The following HAP1 variants were observed in gnomAD, a reference collection of about 807,000 sequenced individuals.
HAP1 encodes huntingtin associated protein 1, also known as huntingtin-associated protein 1.
In HAP1, 59 loss-of-function variants were observed where a neutral mutation model predicts 60.3. The ratio of observed to expected loss-of-function variants is 0.98; its 90% confidence interval spans 0.79 to 1.22. The LOEUF (loss-of-function observed/expected upper bound fraction) is 1.22, where lower values mean the gene tolerates loss of function less well. HAP1 is among the 50% of genes most tolerant of loss of function. HAP1 has a pLI of 0.00. For synonymous variants in HAP1, 346 were observed against 330.6 expected, an observed-to-expected ratio of 1.05 and a Z score of -0.50; for missense variants, 825 against 785.3, an observed-to-expected ratio of 1.05 and a Z score of -0.60.
Position 41,722,939 on chromosome 17 carries a change from G to T in HAP1, c.*1762C>A, listed in dbSNP as rs1567777583. The T allele has an allele frequency of 6.6e-6, 1 of 152,498 alleles. No individual in the cohort carries two copies. The highest frequency in any genetic ancestry group is 1.5e-5 in the Non-Finnish European group (1 of 68,276). The allele number at this position is 152,498 out of a possible 1,614,324, so 9.4% of individuals were successfully genotyped here. On this transcript the variant is annotated 3_prime_UTR_variant, in exon 11 of 11. Coordinates refer to ENST00000347901, the MANE Select transcript of HAP1 (RefSeq NM_177977.3). ...GAGGAGACACACCACTGGGCAGAGG[G>T]GCCCTCACCCACCCACACACAGAGA...
downstream of HAP1, chr17:41,718,211 A>G: frequency 3.6e-6 from 1 of 277,672 alleles, no homozygotes; most frequent in South Asian, 3.2e-5. Flanking sequence ...GAAACTAAGC[A>G]CGGTGGGGCC....
In HAP1 at chr17:41,724,720, C is replaced by T. The variant is rs1911466563; in HGVS notation, c.1841G>A (p.Cys614Tyr). ...CTCTTTTCATCGGCACGACGATCTG[C>T]AGCTTGTCCGGCTGGCGGCAGGGAG... is the stretch of plus-strand genomic sequence containing the variant. ...GALPAASRTS[C>Y]RSSCR Residue 614 changes from cysteine to tyrosine, a missense_variant, in exon 11 of 11, where the codon TGC becomes TAC. Physicochemically the swap from Cys to Tyr is radical, Grantham distance 194. Transcript: ENST00000347901. 1 of 1,593,664 alleles carries T rather than the reference C, an allele frequency of 6.3e-7. No homozygotes were observed. Among genetic ancestry groups the T allele is most frequent in the Non-Finnish European group, 8.6e-7 (1 of 1,165,008 alleles).
At chr17:41,729,336 G>T (rs1567782745) in intron 6 of HAP1, among the ~76,000 whole-genome samples, 2 of 149,696 alleles carry the variant, frequency 1.3e-5, no homozygotes, top group Non-Finnish European at 3.0e-5. Context: ...GATCGCTTGA[G>T]GTCAGGATTT....
rs59522829 is a variant in HAP1, at chr17:41,730,057, G to GAAAGA, written c.1069+1435_1069+1436insTCTTT. 17 of 12,502 alleles carry GAAAGA rather than the reference G, an allele frequency of 1.4e-3. 6 individuals are homozygous for GAAAGA. Among genetic ancestry groups the GAAAGA allele is most frequent in the Non-Finnish European group, 2.0e-3 (13 of 6,462 alleles). 0.8% of individuals were successfully genotyped at this position (12,502 alleles called of 1,614,324 possible). On this transcript the variant is annotated intron_variant, in intron 6 of 10. Transcript: ENST00000347901. ...AGAGAGAGAGAGAGAGAGAGAGAAG[G>GAAAGA]AAGAAAAGAAAGAAAAGAAAGAAAA... is the stretch of plus-strand genomic sequence containing the variant.
downstream of HAP1, chr17:41,721,936 G>A (rs1911229483): frequency 6.6e-6 from 1 of 151,182 alleles, no homozygotes; most frequent in Admixed American, 6.6e-5. Context: ...GGAGTGCAGT[G>A]GCATGATCTC....
In HAP1 at chr17:41,725,869, A is replaced by AT. The variant is rs1911587368; in HGVS notation, c.1395dup (p.Ser466IlefsTer6). The AT allele has an allele frequency of 6.2e-7, 1 of 1,613,100 alleles. No homozygotes were observed. The highest frequency in any genetic ancestry group is 2.2e-5 in the East Asian group (1 of 44,870). Reference sequence around the variant, plus strand: ...CCCTGGCAGGCTTACCTTAGGCTGGATGTGTCCCCTCTGGGCATCTCATAA... The same window carrying AT: ...CCCTGGCAGGCTTACCTTAGGCTGGATTGTGTCCCCTCTGGGCATCTCATAA... On this transcript the variant is annotated frameshift_variant, in exon 10 of 11. Transcript: ENST00000347901. LOFTEE classifies it low-confidence loss of function (END_TRUNC).
Position 41,734,321 on chromosome 17 carries a change from G to A in HAP1, c.314C>T (p.Thr105Ile), listed in dbSNP as rs1912524295. ...AAACGGCCCTTGGAATACGAAGCGG[G>A]TCCACGGCGCGTCCGAATTGTCGGG... ...SMPDNSDAPW[T>I]RFVFQGPFGS... Residue 105 changes from threonine (T) to isoleucine (I), a missense_variant, in exon 1 of 11, where the codon ACC becomes ATC. Coordinates refer to ENST00000347901, the MANE Select transcript of HAP1 (RefSeq NM_177977.3). 6.2e-7 allele frequency: 1 copy of A among 1,609,018 alleles called. No homozygotes were observed. Among genetic ancestry groups the A allele is most frequent in the South Asian group, 1.1e-5 (1 of 90,802 alleles).
chr17:41,727,630 A>T, intron 8 of HAP1, 132 bp downstream of exon 8: 2 of 661,856 alleles, frequency 3.0e-6, no homozygotes, highest in Non-Finnish European at 5.4e-6. Context: ...CCAGGCATGG[A>T]GGGGGTGGAA....
chr17:41,734,491 C>G lies in HAP1; in HGVS notation c.144G>C (p.Gln48His). The G allele has an allele frequency of 6.2e-7, 1 of 1,612,026 alleles. No individual in the cohort carries two copies. Among genetic ancestry groups the G allele is most frequent in the Non-Finnish European group, 8.5e-7 (1 of 1,179,508 alleles). Residue 48 changes from glutamine to histidine, a missense_variant, in exon 1 of 11, where the codon CAG becomes CAC. Coordinates refer to ENST00000347901, the MANE Select transcript of HAP1 (RefSeq NM_177977.3). ...SAQPQARGTG[Q>H]RVGSRATSGS... ...CAGAGGTGGCTCGGGATCCTACTCT[C>G]TGTCCAGTGCCCCGTGCCTGCGGCT...
downstream of HAP1, chr17:41,717,744 T>C (rs1209953697): frequency 3.6e-6 from 1 of 277,366 alleles, no homozygotes; most frequent in Non-Finnish European, 7.7e-6. Flanking sequence ...TGTAGTTGTT[T>C]TGTTTGCCAG....
intron 8 of HAP1, 71 bp from the exon 9 acceptor site, chr17:41,727,215 G>A: frequency 1.2e-6 from 1 of 857,552 alleles, no homozygotes; most frequent in Non-Finnish European, 2.0e-6. Context: ...AGGCACAGAA[G>A]GGAACTGGGA....
At position 41,724,652 on chromosome 17, in the gene HAP1, G is replaced by T; in HGVS notation, c.*49C>A. 7.3e-7 allele frequency: 1 copy of T among 1,378,792 alleles called. No individual in the cohort carries two copies. Among genetic ancestry groups the T allele is most frequent in the Non-Finnish European group, 1.0e-6 (1 of 990,040 alleles). 85.4% of individuals were successfully genotyped at this position (1,378,792 alleles called of 1,614,324 possible). A position where few individuals can be genotyped will look rare whatever the true frequency, so the allele number is the denominator to read the frequency against. On this transcript the variant is annotated 3_prime_UTR_variant, in exon 11 of 11. Coordinates refer to ENST00000347901, the MANE Select transcript of HAP1 (RefSeq NM_177977.3). ...CATGCAAATAAGCACAGCAGGTAGA[G>T]CCAGGCTGGGGCAGGTGAGCACTCG...
In HAP1 at chr17:41,725,032, G is replaced by A. The variant is rs782699927; in HGVS notation, c.1529C>T (p.Pro510Leu). The A allele has an allele frequency of 6.2e-7, 1 of 1,612,128 alleles. No homozygotes were observed. Among genetic ancestry groups the A allele is most frequent in the Non-Finnish European group, 8.5e-7 (1 of 1,179,092 alleles). ...EDFTPAEEFV[P>L]QEELGAAKKV... ...CTTGGCAGCCCCCAGCTCCTCCTGG[G>A]GCACGAACTCCTCCGCAGGCGTGAA... Residue 510 changes from proline (P) to leucine (L), a missense_variant, in exon 11 of 11, where the codon CCC (proline) becomes CTC (leucine). Coordinates refer to ENST00000347901, the MANE Select transcript of HAP1 (RefSeq NM_177977.3).
rs1426259335 is a variant in HAP1 at position 41,724,540 on chromosome 17, C to T, written c.*161G>A. ...GAAAAGTGGATGGAGATCTGGAATC[C>T]TAAGCAAATGCCACATAAATGAGCA... On this transcript the variant is annotated 3_prime_UTR_variant, in exon 11 of 11. Coordinates refer to ENST00000347901, the MANE Select transcript of HAP1 (RefSeq NM_177977.3). 12 of 637,474 alleles carry T rather than the reference C, an allele frequency of 1.9e-5. No individual in the cohort carries two copies. The highest frequency in any genetic ancestry group is 3.3e-5 in the Non-Finnish European group (12 of 362,838). 39.5% of individuals were successfully genotyped at this position (637,474 alleles called of 1,614,324 possible).
Position 41,728,191 on chromosome 17 carries a change from C to A in HAP1, c.1200+10G>T. 1 of 1,608,894 alleles carries A rather than the reference C, an allele frequency of 6.2e-7. No individual in the cohort carries two copies. Among genetic ancestry groups the A allele is most frequent in the Non-Finnish European group, 8.5e-7 (1 of 1,179,966 alleles). ...CCACGACAAGAGGGTTCCACACACA[C>A]CCGACTCACCATCCGGCAGCGCTGC... On this transcript the variant is annotated intron_variant, in intron 7 of 10. Transcript: ENST00000347901.
intron 6 of HAP1, among the ~76,000 whole-genome samples, chr17:41,730,955 G>A (rs775455769): frequency 7.2e-5 from 11 of 151,814 alleles, no homozygotes; most frequent in Non-Finnish European, 1.3e-4. Context: ...CTGTCGCCCA[G>A]GCTGGGGTGC....
chr17:41,727,380 A>G (rs529420807), intron 8 of HAP1: 64 of 780,498 alleles, frequency 8.2e-5, no homozygotes, highest in Non-Finnish European at 1.4e-5. Context: ...CTCCTCCTGC[A>G]TCTCAATCAG....
rs369162708 is a variant in HAP1 at position 41,725,487 on chromosome 17, C to A, written c.1407-333G>T. On this transcript the variant is annotated intron_variant, in intron 10 of 10. Coordinates refer to ENST00000347901, the MANE Select transcript of HAP1 (RefSeq NM_177977.3). ...ACCCCACAGCTACTTGCCATAGGAA[C>A]AAATCCATTCTAGACAGGCTCAGAC... Among the ~76,000 whole-genome samples the A allele has an allele frequency of 4.7e-4, 72 of 152,306 alleles. No homozygotes were observed. In the East Asian group the frequency reaches 7.9e-3, roughly 17 times the overall value.
Position 41,732,304 on chromosome 17 carries a change from G to A in HAP1, c.640C>T (p.Leu214=), listed in dbSNP as rs782053513. 6.2e-7 allele frequency: 1 copy of A among 1,614,150 alleles called. No individual in the cohort carries two copies. The highest frequency in any genetic ancestry group is 1.7e-5 in the Admixed American group (1 of 60,022). ...LNTAARIGQS[L]VKQNSVLMEE... ...ATCAAAACACTGTTCTGTTTCACCA[G>A]GGACTGGCCGATGCGAGCTGCAGTG... is the stretch of plus-strand genomic sequence containing the variant. The change falls in exon 3 of 11, where the codon CTG becomes TTG. Residue 214 remains leucine, a synonymous_variant. Coordinates refer to ENST00000347901, the MANE Select transcript of HAP1 (RefSeq NM_177977.3).
Sources: gnomAD v4.1 joint callset for allele counts (sites outside exome capture counted in the v4.1 genomes callset) on GRCh38, gnomAD v4.1.1 for gene constraint, MANE v1.5 for transcripts, NCBI Gene and HGNC (gene_info 2026-07-23, HGNC 2026-07-21) for gene names.